HDAC9: variants seen among roughly 807,000 people sequenced by gnomAD.
HDAC9 encodes the protein histone deacetylase 9.
In HDAC9, 41 loss-of-function variants were observed where a neutral mutation model predicts 139.4. The observed-to-expected ratio is 0.29, with a 90% CI of 0.23 to 0.38. HDAC9 has a LOEUF of 0.38. HDAC9 is among the 10% of genes least tolerant of loss of function. The pLI is 1.00. For missense variants in HDAC9, 1,147 were observed against 1,297.0 expected (o/e 0.88, Z 1.78); for synonymous variants, 517 against 476.2 (o/e 1.09, Z -1.12).
At chr7:18,618,951 A>G (rs1359811185) in intron 6 of HDAC9, among the ~76,000 whole-genome samples, 1 of 151,924 alleles carries the variant, frequency 6.6e-6, no homozygotes, top group African/African-American at 2.4e-5. Flanking sequence ...GGATTCAGGT[A>G]GAAAAGAAAA....
chr7:18,893,205 G>C (rs1196321998), intron 22 of HDAC9, among the ~76,000 whole-genome samples: 1 of 152,076 alleles, frequency 6.6e-6, no homozygotes, highest in African/African-American at 2.4e-5. Flanking sequence ...AGAGAAAGCT[G>C]TAAACCGTAA....
chr7:18,453,697 T>A (rs1793090517), intron 1 of HDAC9, among the ~76,000 whole-genome samples: 1 of 152,238 alleles, frequency 6.6e-6, no homozygotes, highest in African/African-American at 2.4e-5. Context: ...TTTTCATAAT[T>A]TGTCTACAGA....
intron 13 of HDAC9, among the ~76,000 whole-genome samples, chr7:18,743,416 C>A (rs967350100): frequency 6.6e-6 from 1 of 152,092 alleles, no homozygotes; most frequent in Non-Finnish European, 1.5e-5. Flanking sequence ...GTGAGAGATA[C>A]AATTTATCAA....
chr7:18,449,692 T>C (rs1047591292), intron 1 of HDAC9, among the ~76,000 whole-genome samples: 1 of 152,174 alleles, frequency 6.6e-6, no homozygotes, highest in South Asian at 2.1e-4. Flanking sequence ...CTTTCTCCAT[T>C]AAAGAAGGAG....
chr7:18,982,448 CTCTT>C (rs1415159841), intron 25 of HDAC9, among the ~76,000 whole-genome samples: 3 of 151,982 alleles, frequency 2.0e-5, no homozygotes, highest in South Asian at 2.1e-4. Context: ...AACATTCTTC[CTCTT>C]TCTTTTCTGA....
chr7:18,629,463 C>A lies in HDAC9; in HGVS notation c.778C>A (p.Arg260=). ...DGNVVTSFKK[R]MFEVTESSVS... ...AAATGTTGTCACTTCATTCAAGAAG[C>A]GAATGTTTGAGGTGACAGGTAATTG... Residue 260 remains arginine (R), a synonymous_variant, in exon 7 of 26, where the codon CGA becomes AGA. Transcript: ENST00000686413. 1 of 1,610,968 alleles carries A rather than the reference C, an allele frequency of 6.2e-7. No individual in the cohort carries two copies. The highest frequency in any genetic ancestry group is 8.5e-7 in the Non-Finnish European group (1 of 1,178,586).
At chr7:18,099,455 G>A (rs753044963) in intron 1 of HDAC9, among the ~76,000 whole-genome samples, 3 of 150,316 alleles carry the variant, frequency 2.0e-5, no homozygotes, top group South Asian at 4.3e-4. Flanking sequence ...GCGACAGAGT[G>A]AGACTCTGTC....
rs540735019 is a variant in HDAC9 at position 18,961,896 on chromosome 7, A to G, written c.3022+7666A>G. 2.6e-5 allele frequency among the ~76,000 whole-genome samples: 4 copies of G among 152,240 alleles called. No homozygotes were observed. The East Asian group carries it at 7.7e-4, about 29-fold the overall frequency. ...GCCTCTAAGTTACACTATGTCACAA[A>G]TAAGTTCATTCCTTTTGCAATTTTT... is the stretch of plus-strand genomic sequence containing the variant. On this transcript the variant is annotated intron_variant, in intron 24 of 25. Transcript: ENST00000686413.
chr7:18,762,304 G>A (rs777364641), intron 15 of HDAC9, 27 bp downstream of exon 15: 15 of 1,611,706 alleles, frequency 9.3e-6, no homozygotes, highest in Non-Finnish European at 1.3e-5. Flanking sequence ...ACTGTACTGG[G>A]AACAGCACAT....
At chr7:18,277,040 T>C (rs767654174) in intron 2 of HDAC9, among the ~76,000 whole-genome samples, 5 of 152,130 alleles carry the variant, frequency 3.3e-5, no homozygotes, top group African/African-American at 4.8e-5. Flanking sequence ...ATTTTGATGT[T>C]ATTTTTACCA....
At chr7:18,866,988 A>C (rs1423958516) in intron 21 of HDAC9, among the ~76,000 whole-genome samples, 2 of 152,220 alleles carry the variant, frequency 1.3e-5, no homozygotes, top group Non-Finnish European at 2.9e-5. Context: ...TCCAAATCTC[A>C]TGGAAAGAAA....
intron 1 of HDAC9, among the ~76,000 whole-genome samples, chr7:18,423,584 A>G (rs1009424278): frequency 2.0e-5 from 3 of 152,224 alleles, no homozygotes; most frequent in African/African-American, 7.2e-5. Flanking sequence ...TTTGGACAGT[A>G]TTTACCAGAA....
intron 1 of HDAC9, among the ~76,000 whole-genome samples, chr7:18,356,416 C>G (rs1013530700): frequency 5.9e-5 from 7 of 119,360 alleles, no homozygotes; most frequent in African/African-American, 2.2e-4. Flanking sequence ...TCCCAAGCAT[C>G]AAGAATGCCC....
intron 6 of HDAC9, among the ~76,000 whole-genome samples, chr7:18,620,912 TAC>T (rs1428608502): frequency 6.6e-6 from 1 of 152,200 alleles, no homozygotes; most frequent in Non-Finnish European, 1.5e-5. Context: ...AATTTCTATT[TAC>T]ATTGATAGAA....
intron 22 of HDAC9, among the ~76,000 whole-genome samples, chr7:18,887,373 GA>G (rs1489030058): frequency 6.6e-6 from 1 of 151,998 alleles, no homozygotes; most frequent in Non-Finnish European, 1.5e-5. Context: ...GCTAGTGATT[GA>G]AAAAAAGGAA....
intron 2 of HDAC9, among the ~76,000 whole-genome samples, chr7:18,168,889 T>TGTGTGTGTG (rs1477545915): frequency 5.1e-5 from 6 of 118,346 alleles, no homozygotes; most frequent in African/African-American, 2.4e-4. Context: ...GTTTTTTTTT[T>TGTGTGTGTG]TTTTTTTTTG....
At chr7:18,577,943 T>TA (rs1019350051) in intron 2 of HDAC9, among the ~76,000 whole-genome samples, 41 of 152,144 alleles carry the variant, frequency 2.7e-4, no homozygotes, top group Middle Eastern at 6.8e-3. Flanking sequence ...AAAAAAAATT[T>TA]AAAAACCTTG....
intron 6 of HDAC9, among the ~76,000 whole-genome samples, chr7:18,626,910 A>G (rs1841870960): frequency 6.6e-6 from 1 of 152,158 alleles, no homozygotes; most frequent in Non-Finnish European, 1.5e-5. Flanking sequence ...CTGATGCAAT[A>G]TATTAGGAGA....
chr7:18,879,617 G>A (rs1259108035), intron 22 of HDAC9, among the ~76,000 whole-genome samples: 8 of 152,052 alleles, frequency 5.3e-5, no homozygotes, highest in African/African-American at 1.9e-4. Flanking sequence ...ACATGCAGAA[G>A]ACTGAAGCTG....
Sources: gnomAD v4.1 joint callset for allele counts (sites outside exome capture counted in the v4.1 genomes callset) on GRCh38, gnomAD v4.1.1 for gene constraint, MANE v1.5 for transcripts, NCBI Gene and HGNC (gene_info 2026-07-23, HGNC 2026-07-21) for gene names.